Variants in OXCT1 observed in about 807,000 individuals in gnomAD.
OXCT1 encodes the protein 3-oxoacid CoA-transferase 1, also known as succinyl-CoA:3-ketoacid coenzyme A transferase 1, mitochondrial.
In OXCT1, 27 loss-of-function variants were observed where a neutral mutation model predicts 69.6. The ratio of observed to expected loss-of-function variants is 0.39; its 90% CI spans 0.29 to 0.54. The LOEUF (loss-of-function observed/expected upper bound fraction) is 0.54. Among genes scored for constraint, OXCT1 ranks in the 20% least tolerant of loss-of-function variants. The pLI is 0.72. For synonymous variants in OXCT1, 202 were observed against 217.8 expected, an observed-to-expected ratio of 0.93 and a Z score of 0.64; for missense variants, 437 against 650.2, an observed-to-expected ratio of 0.67 and a Z score of 3.57.
chr5:41,801,168 A>G, intron 10 of OXCT1, 98 bp from the exon 11 acceptor site: 1 of 961,154 alleles, frequency 1.0e-6, no homozygotes, highest in Non-Finnish European at 1.7e-6. Context: ...AACCCTATAA[A>G]TTTATCATCC....
At chr5:41,807,507 G>A in intron 7 of OXCT1, 69 bp from the exon 8 acceptor site, 1 of 857,624 alleles carries the variant, frequency 1.2e-6, no homozygotes, top group Non-Finnish European at 2.0e-6. Context: ...TTTTTAAAAA[G>A]TATACACAAC....
At chr5:41,794,189 C>A in intron 12 of OXCT1, 111 bp from the exon 13 acceptor site, 1 of 783,382 alleles carries the variant, frequency 1.3e-6, no homozygotes, top group East Asian at 2.5e-5. Flanking sequence ...CTTGCTTCCC[C>A]CACCACACAA....
At chr5:41,767,691 T>C (rs964581604) in intron 13 of OXCT1, among the ~76,000 whole-genome samples, 1 of 143,766 alleles carries the variant, frequency 7.0e-6, no homozygotes, top group Non-Finnish European at 1.5e-5. Context: ...GTCTACTATA[T>C]ATCTATCTAG....
At chr5:41,798,428 T>C (rs1746278797) in intron 11 of OXCT1, among the ~76,000 whole-genome samples, 1 of 152,180 alleles carries the variant, frequency 6.6e-6, no homozygotes, top group East Asian at 1.9e-4. Flanking sequence ...GAAACTGTCC[T>C]GGTTGCTGTG....
intron 13 of OXCT1, among the ~76,000 whole-genome samples, chr5:41,769,405 C>A (rs2112131775): frequency 6.6e-6 from 1 of 152,150 alleles, no homozygotes; most frequent in East Asian, 1.9e-4. Context: ...TAATCAGTGC[C>A]TGTGCCTTAC....
intron 3 of OXCT1, among the ~76,000 whole-genome samples, chr5:41,856,655 C>G (rs1167753105): frequency 2.0e-5 from 3 of 152,126 alleles, no homozygotes; most frequent in African/African-American, 7.2e-5. Flanking sequence ...TGTTTTGCAC[C>G]CCTAGCCTTC....
At chr5:41,813,930 G>C (rs1341337316) in intron 7 of OXCT1, among the ~76,000 whole-genome samples, 4 of 151,996 alleles carry the variant, frequency 2.6e-5, no homozygotes, top group Non-Finnish European at 5.9e-5. Flanking sequence ...TCTTTTATAT[G>C]TACTATTAAC....
intron 7 of OXCT1, 55 bp from the exon 8 acceptor site, chr5:41,807,493 T>A: frequency 9.9e-7 from 1 of 1,011,310 alleles, no homozygotes; most frequent in Non-Finnish European, 1.6e-6. Context: ...TGAACATTTT[T>A]AATTTTTTAA....
At position 41,764,101 on chromosome 5, in the gene OXCT1, C is replaced by T. The variant is rs576246216; in HGVS notation, c.1249-1901G>A. Among the ~76,000 whole-genome samples, 34 of 152,242 alleles carry T rather than the reference C, an allele frequency of 2.2e-4. No individual in the cohort carries two copies. The South Asian group carries it at 3.5e-3, about 16-fold the overall frequency. On this transcript the variant is annotated intron_variant, in intron 13 of 16. Transcript: ENST00000196371. ...CCTTCACTCAAAGAGATTCAGCTGG[C>T]TTGATGTCTCATTTCCAAAGCACAT...
chr5:41,862,941 G>A lies in OXCT1; in HGVS notation c.79-191C>T, dbSNP rs78510160. Among the ~76,000 whole-genome samples the A allele has an allele frequency of 7.9e-5, 12 of 151,962 alleles. No homozygotes were observed. In the East Asian group the frequency reaches 2.3e-3, roughly 29 times the overall value. On this transcript the variant is annotated intron_variant, in intron 1 of 16. Transcript: ENST00000196371. ...ACAGGTAATACATGTATATATTTAT[G>A]GCATACATGGTGTTTTTATATGGAT...
At chr5:41,749,238 C>G (rs1432722677) in intron 15 of OXCT1, among the ~76,000 whole-genome samples, 1 of 152,036 alleles carries the variant, frequency 6.6e-6, no homozygotes, top group Admixed American at 6.6e-5. Context: ...CACCATCCAG[C>G]CTGACACTGT....
chr5:41,763,194 A>T (rs930854784), intron 13 of OXCT1, among the ~76,000 whole-genome samples: 4 of 152,080 alleles, frequency 2.6e-5, no homozygotes, highest in African/African-American at 9.7e-5. Context: ...GACATTTTAC[A>T]GGTCAATGAA....
chr5:41,846,902 A>ATG (rs1318419690), intron 5 of OXCT1, among the ~76,000 whole-genome samples: 1 of 151,932 alleles, frequency 6.6e-6, no homozygotes, highest in East Asian at 1.9e-4. Context: ...GCATTTTTTC[A>ATG]TGTTTTTTGG....
At chr5:41,735,896 T>C (rs1335527022) in intron 16 of OXCT1, among the ~76,000 whole-genome samples, 1 of 152,234 alleles carries the variant, frequency 6.6e-6, no homozygotes, top group African/African-American at 2.4e-5. Flanking sequence ...CTCTCAGCCA[T>C]GTGGATGGAA....
intron 16 of OXCT1, among the ~76,000 whole-genome samples, chr5:41,735,892 G>C (rs1742861566): frequency 6.6e-6 from 1 of 152,212 alleles, no homozygotes. Context: ...TTTGCTCTCA[G>C]CCATGTGGAT....
intron 7 of OXCT1, among the ~76,000 whole-genome samples, chr5:41,814,667 T>C (rs1024016016): frequency 1.3e-4 from 18 of 139,442 alleles, no homozygotes; most frequent in South Asian, 2.3e-4. Flanking sequence ...TAGGTGGGAA[T>C]TGAACAATGA....
At chr5:41,859,565 G>A (rs998360170) in intron 3 of OXCT1, among the ~76,000 whole-genome samples, 2 of 152,088 alleles carry the variant, frequency 1.3e-5, no homozygotes, top group Admixed American at 1.3e-4. Context: ...GTAGTTACAT[G>A]AGACAAATGA....
chr5:41,824,227 A>G (rs1250411736), intron 7 of OXCT1, among the ~76,000 whole-genome samples: 2 of 152,216 alleles, frequency 1.3e-5, no homozygotes, highest in African/African-American at 2.4e-5. Flanking sequence ...AATATACACA[A>G]TAAAACCTAC....
chr5:41,823,679 T>C (rs1468171248), intron 7 of OXCT1, among the ~76,000 whole-genome samples: 2 of 152,228 alleles, frequency 1.3e-5, no homozygotes, highest in Non-Finnish European at 2.9e-5. Context: ...ACTTCCAACC[T>C]CCTGGCACGT....
Sources: allele counts gnomAD v4.1 joint callset (sites outside exome capture counted in the v4.1 genomes callset), GRCh38; gene constraint gnomAD v4.1.1; transcripts MANE v1.5; gene names NCBI Gene and HGNC (gene_info 2026-07-23, HGNC 2026-07-21).